The following SDK2 variants were observed in gnomAD, a reference collection of about 807,000 sequenced individuals.
The protein encoded by SDK2 is sidekick cell adhesion molecule 2.
A neutral mutation model predicts 253.9 loss-of-function variants in SDK2; 105 were observed. The ratio of observed to expected loss-of-function variants is 0.41; its 90% CI spans 0.35 to 0.49. SDK2 has a LOEUF of 0.49. Ranked by LOEUF, SDK2 falls within the 20% of genes least tolerant of loss-of-function variation. The pLI is 0.06. For synonymous variants in SDK2, 1,249 were observed against 1,234.9 expected (o/e 1.01, Z -0.24); for missense variants, 2,608 against 3,003.0 (o/e 0.87, Z 3.07).
In SDK2 at chr17:73,639,621, G is replaced by C. The variant is rs12165015; in HGVS notation, c.64+4404C>G. Among the ~76,000 whole-genome samples the C allele has an allele frequency of 0.028, 4,323 of 152,192 alleles. 220 individuals carry two copies. The highest frequency in any genetic ancestry group is 0.099 in the African/African-American group (4,098 of 41,514). ...GGGCTGTCTGTGGCAACATGCTCCA[G>C]GGGGAGCGGGGTAGAAACCCCGCAG... is the stretch of plus-strand genomic sequence containing the variant. On this transcript the variant is annotated intron_variant, in intron 1 of 44. Transcript: ENST00000392650. The surrounding 1 kb of genome is among the most constrained non-coding windows in gnomAD (Gnocchi z 4.3).
At chr17:73,479,182 C>T (rs933242102) in intron 2 of SDK2, among the ~76,000 whole-genome samples, 9 of 152,246 alleles carry the variant, frequency 5.9e-5, no homozygotes, top group Admixed American at 1.3e-4. Context: ...CCATGTGTGC[C>T]TGCTGCCTGC....
At chr17:73,553,089 TC>T (rs1180678369) in intron 1 of SDK2, among the ~76,000 whole-genome samples, 1 of 152,164 alleles carries the variant, frequency 6.6e-6, no homozygotes, top group African/African-American at 2.4e-5. Context: ...GGCAGAGGCT[TC>T]TGTGGGGGCT....
intron 15 of SDK2, among the ~76,000 whole-genome samples, 189 bp downstream of exon 15, chr17:73,422,098 C>G (rs1016859687): frequency 1.3e-5 from 2 of 152,218 alleles, no homozygotes; most frequent in Non-Finnish European, 2.9e-5. Flanking sequence ...GTGCCCTACT[C>G]AGAGCACCCC....
At chr17:73,397,494 G>A (rs545908786) in intron 24 of SDK2, among the ~76,000 whole-genome samples, 5 of 152,194 alleles carry the variant, frequency 3.3e-5, no homozygotes, top group Non-Finnish European at 7.3e-5. Context: ...TGCAAAAGGG[G>A]GACCAGGATC....
At chr17:73,340,772 T>C (rs1278339212) in intron 44 of SDK2, among the ~76,000 whole-genome samples, 1 of 105,822 alleles carries the variant, frequency 9.4e-6, no homozygotes, top group East Asian at 3.3e-4. Flanking sequence ...AGATGGAGTT[T>C]TGCTCTTGTC....
At chr17:73,414,789 G>A in intron 17 of SDK2, 30 bp from the exon 18 acceptor site, 1 of 1,397,858 alleles carries the variant, frequency 7.2e-7, no homozygotes. Context: ...GGGGTGGGGT[G>A]GAGGGGGCCC....
At chr17:73,462,770 C>G (rs2063572911) in intron 3 of SDK2, among the ~76,000 whole-genome samples, 1 of 152,096 alleles carries the variant, frequency 6.6e-6, no homozygotes, top group Admixed American at 6.5e-5. Flanking sequence ...CTGCAGTTGC[C>G]CCTTTCCTCC....
intron 1 of SDK2, among the ~76,000 whole-genome samples, chr17:73,538,469 C>G (rs1221619358): frequency 1.3e-5 from 2 of 152,212 alleles, no homozygotes; most frequent in Non-Finnish European, 2.9e-5. Flanking sequence ...GGAGCCCTAA[C>G]CCAGCCAGGA....
At chr17:73,635,694 CAAACTTT>C (rs1294288131) in intron 1 of SDK2, among the ~76,000 whole-genome samples, 18 of 152,160 alleles carry the variant, frequency 1.2e-4, no homozygotes, top group Non-Finnish European at 1.6e-4. Flanking sequence ...TACATGGCAT[CAAACTTT>C]AATTGCCTTT....
At chr17:73,419,896 T>A (rs1286276688) in intron 15 of SDK2, among the ~76,000 whole-genome samples, 11 of 145,588 alleles carry the variant, frequency 7.6e-5, no homozygotes, top group South Asian at 2.2e-4. Flanking sequence ...AAAAAAAAAA[T>A]TAATGTACAT....
Position 73,395,781 on chromosome 17 carries a change from C to T in SDK2, c.3355-389G>A, listed in dbSNP as rs772500050. Among the ~76,000 whole-genome samples the T allele has an allele frequency of 5.3e-5, 8 of 152,178 alleles. No individual in the cohort carries two copies. Among genetic ancestry groups the T allele is most frequent in the South Asian group, 4.1e-4 (2 of 4,830 alleles). The stretch of plus-strand genomic sequence containing the variant: ...TGCCAGCACACACTTAATTGCCTAC[C>T]GCACCTGGTCTCAGCTCATGCCTGC... On this transcript the variant is annotated intron_variant, in intron 24 of 44. Transcript: ENST00000392650. The surrounding 1 kb of genome is among the most constrained non-coding windows in gnomAD (Gnocchi z 4.3).
rs1357249912 is a variant in SDK2 at position 73,435,285 on chromosome 17, G to T, written c.1195+165C>A. On this transcript the variant is annotated intron_variant, in intron 9 of 44. Coordinates refer to ENST00000392650, the MANE Select transcript of SDK2 (RefSeq NM_001144952.2). The surrounding 1 kb of genome is among the most constrained non-coding windows in gnomAD (Gnocchi z 5.7). The stretch of plus-strand genomic sequence containing the variant: ...GACTCAGGGCTGCAGAGGCAGCAGC[G>T]GTAACTGGCTGTGCCCCCAGGCTGC... 6.6e-6 allele frequency among the ~76,000 whole-genome samples: 1 copy of T among 152,208 alleles called. No individual in the cohort carries two copies. Among genetic ancestry groups the T allele is most frequent in the Non-Finnish European group, 1.5e-5 (1 of 68,044 alleles).
intron 1 of SDK2, among the ~76,000 whole-genome samples, chr17:73,512,791 A>G (rs2063991518): frequency 6.6e-6 from 1 of 152,236 alleles, no homozygotes. Context: ...CTAGAAATAG[A>G]CCCAAATACA....
rs201339333 is a variant in SDK2 at position 73,391,461 on chromosome 17, C to T, written c.3976G>A (p.Ala1326Thr). ...SVRLIWQPPA[A>T]PNGIILAYQI... is the part of the protein sequence containing the mutation. The stretch of plus-strand genomic sequence containing the variant: ...TTACCAAGAATGATGCCATTGGGGG[C>T]GGCAGGGGGCTGCCAGATCAGCCGC... Residue 1326 changes from alanine to threonine, a missense_variant, in exon 28 of 45, where the codon GCC (alanine) becomes ACC (threonine). Transcript: ENST00000392650. 1.1e-4 allele frequency: 144 copies of T among 1,309,604 alleles called. No homozygotes were observed. Among genetic ancestry groups the T allele is most frequent in the Non-Finnish European group, 1.3e-4 (133 of 1,020,328 alleles). 81.1% of individuals were successfully genotyped at this position (1,309,604 alleles called of 1,614,324 possible).
At chr17:73,437,919 G>A (rs1274458771) in intron 7 of SDK2, 45 bp downstream of exon 7, 3 of 1,581,182 alleles carry the variant, frequency 1.9e-6, no homozygotes, top group Non-Finnish European at 2.6e-6. Flanking sequence ...TCGCCGTGCT[G>A]CCCCTACCCC....
chr17:73,601,803 G>T (rs1383450335), intron 1 of SDK2, among the ~76,000 whole-genome samples: 5 of 152,104 alleles, frequency 3.3e-5, no homozygotes, highest in African/African-American at 1.2e-4. Context: ...GAGTGCAGTG[G>T]CGCCATTTTG....
At chr17:73,588,665 C>T (rs1289006474) in intron 1 of SDK2, among the ~76,000 whole-genome samples, 1 of 152,126 alleles carries the variant, frequency 6.6e-6, no homozygotes, top group Non-Finnish European at 1.5e-5. Context: ...TATGAAATAC[C>T]CCGCAGTGCT....
Position 73,448,861 on chromosome 17 carries a change from A to AT in SDK2, c.480-1114dup. On this transcript the variant is annotated intron_variant, in intron 4 of 44. Coordinates refer to ENST00000392650, the MANE Select transcript of SDK2 (RefSeq NM_001144952.2). The stretch of plus-strand genomic sequence containing the variant: ...TTTTTAGTAAAGACAGGGTTTTGCT[A>AT]TGTTGGCCAGGCTGGTCTCAAACTC... 2.7e-5 allele frequency among the ~76,000 whole-genome samples: 4 copies of AT among 150,742 alleles called. 1 individual carries two copies. The highest frequency in any genetic ancestry group is 2.6e-4 in the Admixed American group (4 of 15,162).
Position 73,398,447 on chromosome 17 carries a change from C to A in SDK2, c.3094-18G>T, listed in dbSNP as rs1338968935. The A allele has an allele frequency of 4.4e-6, 7 of 1,604,588 alleles. No homozygotes were observed. Among genetic ancestry groups the A allele is most frequent in the Non-Finnish European group, 5.1e-6 (6 of 1,172,140 alleles). ...ACGCCTACCTGGAAAAGGGCAGGAT[C>A]TTAGGCCTGTCCAGCCTACAGGGCC... is the stretch of plus-strand genomic sequence containing the variant. On this transcript the variant is annotated intron_variant, in intron 22 of 44. Transcript: ENST00000392650.
Sources: gnomAD v4.1 joint callset for allele counts (sites outside exome capture counted in the v4.1 genomes callset) on GRCh38, gnomAD v4.1.1 for gene constraint, Gnocchi (gnomAD v3.1) non-coding constraint, MANE v1.5 for transcripts, NCBI Gene and HGNC (gene_info 2026-07-23, HGNC 2026-07-21) for gene names.